Variants in EPHA6 observed in about 807,000 individuals in gnomAD.
The protein encoded by EPHA6 is EPH receptor A6, also known as ephrin type-A receptor 6.
A neutral mutation model predicts 112.0 loss-of-function variants in EPHA6; 50 were observed. The observed-to-expected ratio is 0.45, with a 90% CI of 0.36 to 0.56. EPHA6 has a LOEUF of 0.56. EPHA6 is among the 20% of genes least tolerant of loss of function. The probability of loss-of-function intolerance (pLI) is 0.00; values close to 1 mark genes in which losing one functional copy is unlikely to be tolerated. For synonymous variants in EPHA6, 529 were observed against 490.7 expected (o/e 1.08, Z -1.03); for missense variants, 1,280 against 1,417.4 (o/e 0.90, Z 1.56).
intron 3 of EPHA6, among the ~76,000 whole-genome samples, chr3:97,163,350 TTCCAGC>T: frequency 6.6e-6 from 1 of 152,142 alleles, no homozygotes; most frequent in Admixed American, 6.6e-5. Flanking sequence ...AACAAACCTT[TTCCAGC>T]TCCCCAAACG....
chr3:97,307,356 A>C (rs763817172), intron 5 of EPHA6, among the ~76,000 whole-genome samples: 1 of 151,774 alleles, frequency 6.6e-6, no homozygotes, highest in Admixed American at 6.6e-5. Flanking sequence ...GGCCTGTAAA[A>C]CACTGTGCAC....
rs185006600 is a variant in EPHA6, at chr3:97,266,107, G to T, written c.1606+21820G>T. 1.9e-3 allele frequency among the ~76,000 whole-genome samples: 287 copies of T among 152,234 alleles called. 5 individuals carry two copies. Among genetic ancestry groups the T allele is most frequent in the Non-Finnish European group, 1.2e-4 (8 of 68,018 alleles). On this transcript the variant is annotated intron_variant, in intron 5 of 17. Transcript: ENST00000389672. ...ATTTAGAAATAAACATTTTGAAATG[G>T]GTAGCTGGTAATTTTATTTTTAAAC...
intron 11 of EPHA6, among the ~76,000 whole-genome samples, chr3:97,586,868 C>T (rs1226244333): frequency 6.6e-6 from 1 of 152,158 alleles, no homozygotes; most frequent in Admixed American, 6.6e-5. Context: ...TACTGTAGCT[C>T]AGAGGTACCA....
rs573836766 is a variant in EPHA6, at chr3:97,579,741, A to T, written c.2387-12871A>T. On this transcript the variant is annotated intron_variant, in intron 11 of 17. Transcript: ENST00000389672. ...TTTGTAAGTCAAATATAAACAAAAG[A>T]GCATCACTATCCTCTAGATTCTGAA... 8.7e-4 allele frequency among the ~76,000 whole-genome samples: 133 copies of T among 152,370 alleles called. 2 individuals are homozygous for T. In the East Asian group the frequency reaches 0.024, roughly 28 times the overall value.
chr3:97,104,292 A>C (rs1387585306), intron 3 of EPHA6, among the ~76,000 whole-genome samples: 1 of 152,012 alleles, frequency 6.6e-6, no homozygotes, highest in African/African-American at 2.4e-5. Context: ...TTGTCATAGA[A>C]GGCTCTTACT....
At chr3:97,303,673 G>C (rs770307451) in intron 5 of EPHA6, among the ~76,000 whole-genome samples, 1 of 151,950 alleles carries the variant, frequency 6.6e-6, no homozygotes, top group South Asian at 2.1e-4. Context: ...AGAATTTCAA[G>C]TATGATAAAG....
chr3:97,105,448 T>C (rs1421895954), intron 3 of EPHA6, among the ~76,000 whole-genome samples: 1 of 152,186 alleles, frequency 6.6e-6, no homozygotes, highest in East Asian at 1.9e-4. Context: ...AATTTCCATG[T>C]AATTGCATGG....
intron 2 of EPHA6, among the ~76,000 whole-genome samples, chr3:96,979,618 A>G (rs982603821): frequency 2.6e-5 from 4 of 152,260 alleles, no homozygotes; most frequent in East Asian, 1.9e-4. Context: ...TCCTTGAGGG[A>G]TCGCCACACT....
At chr3:97,534,318 T>C (rs747034855) in intron 11 of EPHA6, among the ~76,000 whole-genome samples, 6 of 152,052 alleles carry the variant, frequency 3.9e-5, no homozygotes, top group African/African-American at 9.7e-5. Context: ...GCAACCCTAA[T>C]TGATATCATT....
chr3:97,167,154 C>T (rs746440823), intron 3 of EPHA6, among the ~76,000 whole-genome samples: 4 of 152,050 alleles, frequency 2.6e-5, no homozygotes, highest in Admixed American at 1.3e-4. Context: ...TAAAGCAATA[C>T]AGTATATTAT....
intron 5 of EPHA6, among the ~76,000 whole-genome samples, chr3:97,372,206 A>G (rs2085096532): frequency 6.6e-6 from 1 of 152,002 alleles, no homozygotes; most frequent in Non-Finnish European, 1.5e-5. Flanking sequence ...CCAACATGTG[A>G]TGTCTCCCCC....
intron 16 of EPHA6, chr3:97,745,303 T>A: frequency 2.3e-6 from 1 of 428,268 alleles, no homozygotes; most frequent in Non-Finnish European, 4.6e-6. Flanking sequence ...CAAGTATTTG[T>A]TGGTAGATGC....
chr3:97,461,737 T>TTG (rs1303681893), intron 7 of EPHA6, among the ~76,000 whole-genome samples: 9 of 152,198 alleles, frequency 5.9e-5, no homozygotes, highest in Non-Finnish European at 1.2e-4. Flanking sequence ...GTGTTAGTTT[T>TTG]TGTTTAATTT....
intron 12 of EPHA6, among the ~76,000 whole-genome samples, chr3:97,604,864 G>T (rs747116640): frequency 6.6e-6 from 1 of 151,476 alleles, no homozygotes; most frequent in Non-Finnish European, 1.5e-5. Context: ...TTGTAGGTCT[G>T]CAATTGTTCT....
In EPHA6 at chr3:97,749,035, T is replaced by C. The variant is rs544951795; in HGVS notation, c.*334T>C. 1 of 320,654 alleles carries C rather than the reference T, an allele frequency of 3.1e-6. No individual in the cohort carries two copies. The highest frequency in any genetic ancestry group is 6.0e-6 in the Non-Finnish European group (1 of 167,926). 19.9% of individuals were successfully genotyped at this position (320,654 alleles called of 1,614,324 possible). ...CTAAAAAAATTTATCCAGGTGGGGCTTCCTTAGTGATGTATGTAGAGTGTG... is the reference window on the plus strand; with the variant it reads ...CTAAAAAAATTTATCCAGGTGGGGCCTCCTTAGTGATGTATGTAGAGTGTG... On this transcript the variant is annotated 3_prime_UTR_variant, in exon 18 of 18. Transcript: ENST00000389672.
chr3:97,295,191 C>A (rs1234371007), intron 5 of EPHA6, among the ~76,000 whole-genome samples: 1 of 152,102 alleles, frequency 6.6e-6, no homozygotes, highest in Non-Finnish European at 1.5e-5. Flanking sequence ...CTCCTCCTTA[C>A]CTTCTGGAAC....
At chr3:97,351,869 C>G (rs2083831851) in intron 5 of EPHA6, among the ~76,000 whole-genome samples, 1 of 151,944 alleles carries the variant, frequency 6.6e-6, no homozygotes, top group Non-Finnish European at 1.5e-5. Flanking sequence ...TATAGGATAG[C>G]TATTATATTA....
In EPHA6 at chr3:96,820,529, G is replaced by A. The variant is rs533311668; in HGVS notation, c.385+5521G>A. On this transcript the variant is annotated intron_variant, in intron 1 of 17. Transcript: ENST00000389672. The stretch of plus-strand genomic sequence containing the variant: ...ATCTTGTCTTTATAGAAAAATAAAT[G>A]CAAGAAGCCCAGATTAATTTTTCAT... Among the ~76,000 whole-genome samples the A allele has an allele frequency of 1.1e-4, 17 of 152,040 alleles. No individual in the cohort carries two copies. The South Asian group carries it at 3.1e-3, about 28-fold the overall frequency.
At chr3:97,055,433 A>G (rs1297788552) in intron 3 of EPHA6, among the ~76,000 whole-genome samples, 1 of 152,116 alleles carries the variant, frequency 6.6e-6, no homozygotes, top group African/African-American at 2.4e-5. Flanking sequence ...AAGATTCATG[A>G]GTAGAAATGG....
Sources: allele counts gnomAD v4.1 joint callset (sites outside exome capture counted in the v4.1 genomes callset), GRCh38; gene constraint gnomAD v4.1.1; transcripts MANE v1.5; gene names NCBI Gene and HGNC (gene_info 2026-07-23, HGNC 2026-07-21).